Variants in PRKAG2 observed in about 807,000 individuals in gnomAD.
PRKAG2 encodes the protein 5'-AMP-activated protein kinase subunit gamma-2.
Under a neutral mutation model 69.6 loss-of-function variants are expected in PRKAG2, and 26 were observed. The observed-to-expected ratio is 0.37, with a 90% CI of 0.27 to 0.52. PRKAG2 has a LOEUF of 0.52. Ranked by LOEUF, PRKAG2 falls within the 20% of genes least tolerant of loss-of-function variation. PRKAG2 has a pLI of 0.90. For synonymous variants in PRKAG2, 293 were observed against 285.0 expected, an observed-to-expected ratio of 1.03 and a Z score of -0.28; for missense variants, 557 against 740.0, an observed-to-expected ratio of 0.75 and a Z score of 2.87.
chr7:151,752,325 C>T (rs1396902035), intron 3 of PRKAG2, among the ~76,000 whole-genome samples: 2 of 152,196 alleles, frequency 1.3e-5, no homozygotes, highest in South Asian at 2.1e-4. Flanking sequence ...GCTGCATGTT[C>T]TCACTTATGA....
chr7:151,560,386 A>C, intron 15 of PRKAG2, 138 bp downstream of exon 15: 1 of 1,576,554 alleles, frequency 6.3e-7, no homozygotes, highest in Admixed American at 1.8e-5. Flanking sequence ...AGAGAAAACG[A>C]AAATGGTTTC....
chr7:151,848,639 C>T (rs2079496237), intron 1 of PRKAG2, among the ~76,000 whole-genome samples: 1 of 148,992 alleles, frequency 6.7e-6, no homozygotes. Flanking sequence ...ATTCTCCTGC[C>T]TCAGCCTCCT....
Position 151,581,161 on chromosome 7 carries a change from C to T in PRKAG2, c.865-4709G>A, listed in dbSNP as rs561519448. On this transcript the variant is annotated intron_variant, in intron 6 of 15. Coordinates refer to ENST00000287878, the MANE Select transcript of PRKAG2 (RefSeq NM_016203.4). ...ATGGGTTAAACATAGTTTGTTAAAT[C>T]GAGTGAAGAAGGAATAAAAGAACAA... Among the ~76,000 whole-genome samples the T allele has an allele frequency of 1.1e-4, 17 of 151,958 alleles. No individual in the cohort carries two copies. The South Asian group carries it at 2.5e-3, about 22-fold the overall frequency.
chr7:151,574,984 A>G, intron 7 of PRKAG2, 35 bp from the exon 8 acceptor site: 1 of 1,610,032 alleles, frequency 6.2e-7, no homozygotes. Context: ...AAATAAAACC[A>G]TGAAAACATT....
chr7:151,847,913 G>GT (rs2079472892), intron 1 of PRKAG2, among the ~76,000 whole-genome samples: 1 of 152,232 alleles, frequency 6.6e-6, no homozygotes, highest in Non-Finnish European at 1.5e-5. Context: ...ATTAACTGAG[G>GT]CCATGTGGAA....
intron 5 of PRKAG2, among the ~76,000 whole-genome samples, chr7:151,597,323 T>C (rs755328253): frequency 2.6e-5 from 4 of 152,126 alleles, no homozygotes; most frequent in Admixed American, 1.3e-4. Context: ...ACGAAACTAC[T>C]AGAAGAAAAC....
chr7:151,817,895 A>C (rs1192108038), intron 1 of PRKAG2, among the ~76,000 whole-genome samples: 1 of 152,138 alleles, frequency 6.6e-6, no homozygotes, highest in Non-Finnish European at 1.5e-5. Flanking sequence ...CTGTCCCTTT[A>C]TTCATTTTTG....
chr7:151,698,610 G>A (rs1361291114), intron 3 of PRKAG2, among the ~76,000 whole-genome samples: 2 of 152,070 alleles, frequency 1.3e-5, no homozygotes, highest in Non-Finnish European at 2.9e-5. Context: ...CTCCCCCTTT[G>A]CCTTCTGCCA....
At chr7:151,737,572 C>T (rs1044200376) in intron 3 of PRKAG2, among the ~76,000 whole-genome samples, 44 of 152,156 alleles carry the variant, frequency 2.9e-4, no homozygotes, top group African/African-American at 8.9e-4. Flanking sequence ...TTATTATCTA[C>T]GGCTCGTCCG....
At chr7:151,856,514 C>A (rs914141204) in intron 1 of PRKAG2, among the ~76,000 whole-genome samples, 1 of 152,202 alleles carries the variant, frequency 6.6e-6, no homozygotes, top group African/African-American at 2.4e-5. Context: ...ACAGCCACAC[C>A]GGGTTCAATT....
intron 4 of PRKAG2, among the ~76,000 whole-genome samples, chr7:151,670,108 CTGCATGCACACACACT>C (rs1159761042): frequency 3.0e-4 from 42 of 140,280 alleles, no homozygotes; most frequent in Middle Eastern, 4.2e-3. Flanking sequence ...GCACATACAC[CTGCATGCACACACACT>C]TGCATGCACA....
chr7:151,648,859 A>T (rs1827983274), intron 4 of PRKAG2, among the ~76,000 whole-genome samples: 1 of 152,090 alleles, frequency 6.6e-6, no homozygotes, highest in Admixed American at 6.5e-5. Flanking sequence ...CTCTTTAAAA[A>T]ACAGAAAGAA....
At chr7:151,786,443 G>T in intron 2 of PRKAG2, 27 bp downstream of exon 2, 1 of 1,592,898 alleles carries the variant, frequency 6.3e-7, no homozygotes, top group East Asian at 2.2e-5. Context: ...AGTGAGCTGT[G>T]AGAAACTTCT....
At chr7:151,832,222 A>C (rs2079042527) in intron 1 of PRKAG2, among the ~76,000 whole-genome samples, 1 of 87,288 alleles carries the variant, frequency 1.1e-5, no homozygotes, top group African/African-American at 4.5e-5. Flanking sequence ...AGAGGAGGGG[A>C]GGAGGGAAGG....
chr7:151,841,286 G>A (rs182122014), intron 1 of PRKAG2, among the ~76,000 whole-genome samples: 1 of 152,294 alleles, frequency 6.6e-6, no homozygotes, highest in Admixed American at 6.5e-5. Context: ...CCGTAGTGAG[G>A]GTAGCAGTGG....
At chr7:151,847,551 C>A (rs1288736295) in intron 1 of PRKAG2, among the ~76,000 whole-genome samples, 1 of 152,190 alleles carries the variant, frequency 6.6e-6, no homozygotes, top group Non-Finnish European at 1.5e-5. Flanking sequence ...GAGGCTGTAC[C>A]CCCTGGCCTT....
chr7:151,558,365 C>G, intron 15 of PRKAG2: 1 of 985,458 alleles, frequency 1.0e-6, no homozygotes, highest in Non-Finnish European at 1.2e-6. Context: ...AGGTCCCGGG[C>G]ACTGCGCCTC....
intron 2 of PRKAG2, among the ~76,000 whole-genome samples, chr7:151,783,912 CAAAAAA>C (rs536105914): frequency 0.018 from 534 of 28,920 alleles, no homozygotes; most frequent in African/African-American, 0.058. Context: ...GACCCTGTCT[CAAAAAA>C]AAAAAAAAAA....
At chr7:151,832,249 AAGGGAGG>A (rs1563737837) in intron 1 of PRKAG2, among the ~76,000 whole-genome samples, 2 of 18,560 alleles carry the variant, frequency 1.1e-4, no homozygotes, top group African/African-American at 1.6e-4. Context: ...GGAGGGAAGG[AAGGGAGG>A]AGGGAAGGAA....
Sources: allele counts gnomAD v4.1 joint callset (sites outside exome capture counted in the v4.1 genomes callset), GRCh38; gene constraint gnomAD v4.1.1; transcripts MANE v1.5; gene names NCBI Gene and HGNC (gene_info 2026-07-23, HGNC 2026-07-21).